IQSEC1: variants seen among roughly 807,000 people sequenced by gnomAD.
The protein encoded by IQSEC1 is IQ motif and Sec7 domain ArfGEF 1, also known as IQ motif and SEC7 domain-containing protein 1.
In IQSEC1, 31 loss-of-function variants were observed where a neutral mutation model predicts 91.0. That is an observed-to-expected ratio of 0.34 (90% CI 0.26 to 0.46). The LOEUF (loss-of-function observed/expected upper bound fraction) is 0.46. IQSEC1 is among the 20% of genes least tolerant of loss of function. The pLI, the probability that IQSEC1 is intolerant of heterozygous loss-of-function variation, is 1.00. For synonymous variants in IQSEC1, 699 were observed against 662.6 expected, an observed-to-expected ratio of 1.05 and a Z score of -0.84; for missense variants, 1,388 against 1,575.6, an observed-to-expected ratio of 0.88 and a Z score of 2.02.
At chr3:12,907,572 C>T (rs747653992) in intron 12 of IQSEC1, among the ~76,000 whole-genome samples, 3 of 152,002 alleles carry the variant, frequency 2.0e-5, no homozygotes, top group East Asian at 1.9e-4. Context: ...CAGCCTGCAG[C>T]GGCACGAGCC....
intron 2 of IQSEC1, among the ~76,000 whole-genome samples, chr3:13,087,400 G>T (rs1705754797): frequency 6.6e-6 from 1 of 152,186 alleles, no homozygotes. Flanking sequence ...AAGAGCCCCA[G>T]AGTGTGTGCA....
At position 12,899,911 on chromosome 3, in the gene IQSEC1, G is replaced by T; in HGVS notation, c.*1072C>A. The T allele has an allele frequency of 1.0e-6, 1 of 985,248 alleles. No homozygotes were observed. Among genetic ancestry groups the T allele is most frequent in the Non-Finnish European group, 1.2e-6 (1 of 829,888 alleles). 61.0% of individuals were successfully genotyped at this position (985,248 alleles called of 1,614,324 possible). The stretch of plus-strand genomic sequence containing the variant: ...GAGATGAACACTTCTGCCGTGTATG[G>T]GTGCCCCTCTCGGAGGACTCTGAAT... On this transcript the variant is annotated 3_prime_UTR_variant, in exon 14 of 14. Coordinates refer to ENST00000613206, the MANE Select transcript of IQSEC1 (RefSeq NM_001134382.3).
intron 1 of IQSEC1, among the ~76,000 whole-genome samples, chr3:13,271,941 G>C (rs187228033): frequency 1.3e-5 from 2 of 152,236 alleles, no homozygotes; most frequent in East Asian, 3.9e-4. Flanking sequence ...AACCAACTAG[G>C]CCTATCAAAC....
At chr3:13,108,332 G>A (rs903253614) in intron 2 of IQSEC1, among the ~76,000 whole-genome samples, 2 of 152,090 alleles carry the variant, frequency 1.3e-5, no homozygotes, top group African/African-American at 4.8e-5. Context: ...AAAGCAGTGT[G>A]GTGAGGCATT....
chr3:13,242,396 C>T (rs1373024067), intron 1 of IQSEC1, among the ~76,000 whole-genome samples: 1 of 152,226 alleles, frequency 6.6e-6, no homozygotes, highest in Non-Finnish European at 1.5e-5. Flanking sequence ...CTTGACCTCA[C>T]AGTACCCCCA....
intron 2 of IQSEC1, among the ~76,000 whole-genome samples, chr3:13,152,013 A>G (rs1344789438): frequency 6.6e-6 from 1 of 152,156 alleles, no homozygotes; most frequent in African/African-American, 2.4e-5. Flanking sequence ...AAAAAGAGAG[A>G]GTTCTATTCC....
chr3:13,209,702 G>A (rs1337459823), intron 1 of IQSEC1, among the ~76,000 whole-genome samples: 1 of 152,224 alleles, frequency 6.6e-6, no homozygotes. Context: ...TATGCTGGGG[G>A]GCTCTCCAAC....
intron 9 of IQSEC1, among the ~76,000 whole-genome samples, chr3:12,912,424 G>C (rs745333022): frequency 2.0e-5 from 3 of 152,224 alleles, no homozygotes; most frequent in Non-Finnish European, 4.4e-5. Flanking sequence ...GAGATGTGAA[G>C]GGATTCGCTC....
intron 1 of IQSEC1, among the ~76,000 whole-genome samples, chr3:13,256,886 G>A (rs1695295856): frequency 6.6e-6 from 1 of 151,850 alleles, no homozygotes; most frequent in African/African-American, 2.4e-5. Flanking sequence ...AGCAGCGGGT[G>A]CAGCACCAGC....
chr3:13,116,224 G>A (rs1406207405), intron 2 of IQSEC1, among the ~76,000 whole-genome samples: 2 of 152,194 alleles, frequency 1.3e-5, no homozygotes, highest in Admixed American at 6.5e-5. Flanking sequence ...GGAAACTCAG[G>A]GCCCAGGGGC....
intron 1 of IQSEC1, among the ~76,000 whole-genome samples, chr3:13,056,922 C>G (rs1704900471): frequency 6.6e-6 from 1 of 152,292 alleles, no homozygotes; most frequent in East Asian, 1.9e-4. Flanking sequence ...TCCATATCCA[C>G]CAGGCTCCCA....
In IQSEC1 at chr3:13,282,952, C is replaced by T. The variant is rs1236696165; in HGVS notation, c.31G>A (p.Ala11Thr). Among the ~76,000 whole-genome samples the T allele has an allele frequency of 6.8e-6, 1 of 146,850 alleles. No individual in the cohort carries two copies. Among genetic ancestry groups the T allele is most frequent in the Non-Finnish European group, 1.5e-5 (1 of 65,956 alleles). ...GTCAGCTCCTGCAGGTACTCGGCCG[C>T]CTGGCCGGGGGGCTCGGCGGCGCTG... The change falls in exon 1 of 16, where the codon GCG becomes ACG. Residue 11 changes from alanine (A) to threonine (T), a missense_variant. By Grantham distance (58) the Ala-to-Thr change is moderately conservative (BLOSUM62 0). Coordinates refer to the IQSEC1 transcript ENST00000648114. This position sits in a 1 kb window ranked among gnomAD's most constrained non-coding sequence, Gnocchi z 6.4.
In IQSEC1 at chr3:13,103,112, C is replaced by T. The variant is rs1032007984; in HGVS notation, c.303-55590G>A. ...CCATGCTCTGAAGTAGAGCCAGGGC[C>T]CCAGGGCTCTGCCCCAGCCCCTCCC... On this transcript the variant is annotated intron_variant, in intron 2 of 15. Coordinates refer to the IQSEC1 transcript ENST00000648114. The surrounding 1 kb of genome is among the most constrained non-coding windows in gnomAD (Gnocchi z 4.1). Among the ~76,000 whole-genome samples, 11 of 151,886 alleles carry T rather than the reference C, an allele frequency of 7.2e-5. No individual in the cohort carries two copies. Among genetic ancestry groups the T allele is most frequent in the Admixed American group, 7.2e-4 (11 of 15,262 alleles).
At chr3:12,961,995 T>A (rs566442625) in intron 1 of IQSEC1, among the ~76,000 whole-genome samples, 1 of 152,340 alleles carries the variant, frequency 6.6e-6, no homozygotes, top group South Asian at 2.1e-4. Context: ...CTAAACATCC[T>A]GCATCTGCAA....
intron 1 of IQSEC1, among the ~76,000 whole-genome samples, chr3:13,062,719 G>T (rs1705108741): frequency 6.6e-6 from 1 of 152,128 alleles, no homozygotes; most frequent in African/African-American, 2.4e-5. Context: ...AGAGCAAATG[G>T]GAGGAAAACG....
intron 1 of IQSEC1, among the ~76,000 whole-genome samples, chr3:13,255,848 C>G (rs1162326849): frequency 6.6e-6 from 1 of 152,220 alleles, no homozygotes; most frequent in African/African-American, 2.4e-5. Flanking sequence ...GGTTTTCCAA[C>G]TAGCTTCAAC....
chr3:13,059,388 T>C (rs1484826157), intron 1 of IQSEC1, among the ~76,000 whole-genome samples: 1 of 151,996 alleles, frequency 6.6e-6, no homozygotes, highest in Non-Finnish European at 1.5e-5. Context: ...TGCCTCGGCC[T>C]CCCCATCAGA....
At chr3:13,047,854 G>C (rs538330843) in intron 1 of IQSEC1, among the ~76,000 whole-genome samples, 2 of 152,120 alleles carry the variant, frequency 1.3e-5, no homozygotes, top group Non-Finnish European at 2.9e-5. Flanking sequence ...TTAACCTCGG[G>C]TATGTTTGAC....
chr3:13,225,536 A>G (rs1349852722), intron 1 of IQSEC1, among the ~76,000 whole-genome samples: 3 of 152,238 alleles, frequency 2.0e-5, no homozygotes, highest in African/African-American at 7.2e-5. Context: ...GCAGGTGGTA[A>G]GTACCAGAAA....
Sources: allele counts gnomAD v4.1 joint callset (sites outside exome capture counted in the v4.1 genomes callset), GRCh38; gene constraint gnomAD v4.1.1; non-coding constraint Gnocchi (gnomAD v3.1); transcripts MANE v1.5; gene names NCBI Gene and HGNC (gene_info 2026-07-23, HGNC 2026-07-21).